The following NBAS variants were observed in gnomAD, a reference collection of about 807,000 sequenced individuals.
NBAS encodes NBAS subunit of NRZ tethering complex, also known as NAG/BC035112 fusion.
A neutral mutation model predicts 302.5 loss-of-function variants in NBAS; 219 were observed. The ratio of observed to expected loss-of-function variants is 0.72; its 90% CI spans 0.65 to 0.81. The LOEUF is 0.81. Ranked by LOEUF, NBAS falls within the 30% of genes least tolerant of loss-of-function variation. The pLI, the probability that NBAS is intolerant of heterozygous loss-of-function variation, is 0.00. For missense variants in NBAS, 2,932 were observed against 2,841.6 expected (o/e 1.03, Z -0.72); for synonymous variants, 1,118 against 1,021.6 (o/e 1.09, Z -1.80).
At chr2:15,069,556 CA>C in the NBAS span, among the ~76,000 whole-genome samples, 2,556 of 146,048 alleles carry the variant, frequency 0.018, 50 homozygotes, top group African/African-American at 0.059. Context: ...CAGTGGGGCT[CA>C]AAAAAAAAAA....
At chr2:15,174,297 T>C (rs1664432244) in intron 51 of NBAS, among the ~76,000 whole-genome samples, 2 of 152,204 alleles carry the variant, frequency 1.3e-5, no homozygotes, top group South Asian at 4.1e-4. Context: ...CTGTAAATAA[T>C]GCTAGAAGGT....
chr2:14,878,453 C>T, the NBAS span, among the ~76,000 whole-genome samples: 2 of 152,062 alleles, frequency 1.3e-5, no homozygotes, highest in East Asian at 3.9e-4. Context: ...CCAAAAGGAG[C>T]CATATCATTG....
the NBAS span, among the ~76,000 whole-genome samples, chr2:15,034,144 A>AC: frequency 6.8e-6 from 1 of 146,914 alleles, no homozygotes; most frequent in Non-Finnish European, 1.5e-5. Context: ...GAGGGAGAGA[A>AC]AGAGGGAGGA....
chr2:15,120,512 A>G, the NBAS span, among the ~76,000 whole-genome samples: 2 of 145,218 alleles, frequency 1.4e-5, no homozygotes, highest in Non-Finnish European at 3.0e-5. Flanking sequence ...TCATCTTTTC[A>G]GGTTAAAAAA....
At chr2:14,823,872 A>C in the NBAS span, among the ~76,000 whole-genome samples, 1 of 152,252 alleles carries the variant, frequency 6.6e-6, no homozygotes, top group African/African-American at 2.4e-5. Context: ...ATTTTCCAGC[A>C]TATCATGAAA....
chr2:14,802,788 A>G, the NBAS span, among the ~76,000 whole-genome samples: 62 of 144,504 alleles, frequency 4.3e-4, 1 homozygote, highest in African/African-American at 1.5e-3. Context: ...CTATCGCAAG[A>G]ACAAAAAACC....
chr2:14,801,799 A>C, the NBAS span, among the ~76,000 whole-genome samples: 3 of 152,210 alleles, frequency 2.0e-5, no homozygotes, highest in Non-Finnish European at 4.4e-5. Context: ...TTTAAAAACA[A>C]TTTGACTGCA....
chr2:15,253,793 A>G (rs1558477630), intron 44 of NBAS, among the ~76,000 whole-genome samples: 2 of 152,230 alleles, frequency 1.3e-5, no homozygotes, highest in Non-Finnish European at 2.9e-5. Flanking sequence ...ATGCTGGTGT[A>G]TAACAGACTC....
the NBAS span, among the ~76,000 whole-genome samples, chr2:14,824,345 A>G: frequency 1.3e-5 from 2 of 152,204 alleles, no homozygotes; most frequent in Non-Finnish European, 2.9e-5. Context: ...AAAAAGTACA[A>G]ATATATAAGT....
intron 38 of NBAS, among the ~76,000 whole-genome samples, chr2:15,316,146 C>T (rs568928064): frequency 6.6e-6 from 1 of 152,210 alleles, no homozygotes; most frequent in South Asian, 2.1e-4. Flanking sequence ...TAGCAGTGTG[C>T]ACGAATTTAA....
chr2:15,144,964 C>T, the NBAS span, among the ~76,000 whole-genome samples: 1 of 151,294 alleles, frequency 6.6e-6, no homozygotes, highest in Non-Finnish European at 1.5e-5. Flanking sequence ...TTAGAGGCTA[C>T]TAGAACTACT....
the NBAS span, among the ~76,000 whole-genome samples, chr2:14,785,840 T>C: frequency 2.0e-5 from 3 of 152,344 alleles, no homozygotes; most frequent in East Asian, 5.8e-4. Flanking sequence ...CCTCATAAAA[T>C]GAGTTAGGGA....
chr2:15,372,392 T>A (rs573921835), intron 31 of NBAS, among the ~76,000 whole-genome samples: 1 of 152,296 alleles, frequency 6.6e-6, no homozygotes, highest in East Asian at 1.9e-4. Context: ...CTTTACTTGA[T>A]GAGAAACAGC....
At chr2:15,495,156 C>T (rs761088995) in intron 11 of NBAS, among the ~76,000 whole-genome samples, 5 of 152,128 alleles carry the variant, frequency 3.3e-5, no homozygotes, top group Non-Finnish European at 4.4e-5. Context: ...ATAGCAGGAG[C>T]GTGACAAGAG....
chr2:15,005,767 A>T, the NBAS span, among the ~76,000 whole-genome samples: 1 of 152,248 alleles, frequency 6.6e-6, no homozygotes, highest in African/African-American at 2.4e-5. Flanking sequence ...CTCTCAGGAG[A>T]CTATTTACTT....
Position 15,301,511 on chromosome 2 carries a change from T to A in NBAS, c.4797+6705A>T, listed in dbSNP as rs1048577799. ...TCTCCCCACCAAGTGAGCAATCAGT[T>A]TGGGAGCAGACAGGAACTGGTGTCC... is the stretch of plus-strand genomic sequence containing the variant. On this transcript the variant is annotated intron_variant, in intron 40 of 51. Coordinates refer to ENST00000281513, the MANE Select transcript of NBAS (RefSeq NM_015909.4). Among the ~76,000 whole-genome samples the A allele has an allele frequency of 2.0e-5, 3 of 152,232 alleles. 1 individual carries two copies. In the South Asian group the frequency reaches 6.2e-4, roughly 32 times the overall value.
At chr2:15,325,349 T>C (rs1185803815) in intron 38 of NBAS, among the ~76,000 whole-genome samples, 2 of 151,852 alleles carry the variant, frequency 1.3e-5, no homozygotes, top group Non-Finnish European at 2.9e-5. Context: ...TAGAAAACCA[T>C]GCATATATCT....
At chr2:15,030,978 TCTC>T in the NBAS span, among the ~76,000 whole-genome samples, 1 of 152,150 alleles carries the variant, frequency 6.6e-6, no homozygotes, top group Admixed American at 6.5e-5. Context: ...CTGACCGTGT[TCTC>T]CTTTGTCCCC....
At chr2:15,060,936 A>G in the NBAS span, among the ~76,000 whole-genome samples, 1 of 152,260 alleles carries the variant, frequency 6.6e-6, no homozygotes, top group Non-Finnish European at 1.5e-5. Context: ...CAAAAGTATG[A>G]GAAATCAGCC....
Sources: allele counts gnomAD v4.1 joint callset (sites outside exome capture counted in the v4.1 genomes callset), GRCh38; gene constraint gnomAD v4.1.1; transcripts MANE v1.5; gene names NCBI Gene and HGNC (gene_info 2026-07-23, HGNC 2026-07-21).